Variants in B3GALT1 observed in about 807,000 individuals in gnomAD.
The protein encoded by B3GALT1 is beta-1,3-galactosyltransferase 1, also known as UDP-Gal:betaGlcNAc beta 1,3-galactosyltransferase, polypeptide 1.
B3GALT1 carries 10 observed loss-of-function variants against 23.2 expected under a neutral mutation model. That is an observed-to-expected ratio of 0.43 (90% CI 0.27 to 0.73). B3GALT1 has a LOEUF of 0.73. Among genes scored for constraint, B3GALT1 ranks in the 30% least tolerant of loss-of-function variants. The pLI is 0.21. For missense variants in B3GALT1, 299 were observed against 405.4 expected (o/e 0.74, Z 2.25); for synonymous variants, 156 against 141.5 (o/e 1.10, Z -0.73).
intron 3 of B3GALT1, among the ~76,000 whole-genome samples, chr2:167,774,246 A>G (rs1345671066): frequency 6.6e-6 from 1 of 152,166 alleles, no homozygotes; most frequent in Non-Finnish European, 1.5e-5. Context: ...AATATTTACT[A>G]TTAATGTTAA....
chr2:167,515,026 TA>T (rs1700079736), intron 2 of B3GALT1, among the ~76,000 whole-genome samples: 2 of 152,182 alleles, frequency 1.3e-5, no homozygotes, highest in African/African-American at 2.4e-5. Flanking sequence ...AAAAGTTTAG[TA>T]AAAAATTGAG....
At chr2:167,492,311 A>G (rs1021765282) in intron 2 of B3GALT1, among the ~76,000 whole-genome samples, 3 of 152,188 alleles carry the variant, frequency 2.0e-5, no homozygotes, top group Admixed American at 6.5e-5. Context: ...GTGGCTTAAT[A>G]GCTCATTTCT....
chr2:167,839,691 AT>A (rs1574294149), intron 4 of B3GALT1, among the ~76,000 whole-genome samples: 1 of 152,380 alleles, frequency 6.6e-6, no homozygotes, highest in East Asian at 1.9e-4. Flanking sequence ...TAAAGTTCAT[AT>A]GGAACCAAAA....
intron 2 of B3GALT1, among the ~76,000 whole-genome samples, chr2:167,621,011 A>G (rs1012994146): frequency 1.7e-4 from 26 of 151,198 alleles, no homozygotes; most frequent in Middle Eastern, 3.4e-3. Context: ...CATAGTAGAG[A>G]GTTTAGTATA....
At chr2:167,694,772 G>C (rs1686767896) in intron 3 of B3GALT1, among the ~76,000 whole-genome samples, 1 of 152,124 alleles carries the variant, frequency 6.6e-6, no homozygotes, top group African/African-American at 2.4e-5. Flanking sequence ...CAAGGTCAAA[G>C]ACCCTACCTC....
At chr2:167,391,216 A>G (rs1460755540) in intron 1 of B3GALT1, among the ~76,000 whole-genome samples, 3 of 152,192 alleles carry the variant, frequency 2.0e-5, no homozygotes, top group African/African-American at 7.2e-5. Flanking sequence ...ACACAGCAGT[A>G]CTAGGCAGGT....
rs552360097 is a variant in B3GALT1 at position 167,689,561 on chromosome 2, CACCTTAA to C, written c.-352+42597_-352+42603del. 3.0e-4 allele frequency among the ~76,000 whole-genome samples: 45 copies of C among 152,204 alleles called. No homozygotes were observed. The South Asian group carries it at 7.9e-3, about 27-fold the overall frequency. Reference sequence around the variant, plus strand: ...TTCAGGCAAGGGGTGAAGGACTGATCACCTTAAAAGGACTTCTGGATTCCAGAAGATA... The same window carrying C: ...TTCAGGCAAGGGGTGAAGGACTGATCAAGGACTTCTGGATTCCAGAAGATA... On this transcript the variant is annotated intron_variant, in intron 3 of 4. Transcript: ENST00000392690.
chr2:167,327,362 A>G (rs920328187), intron 1 of B3GALT1, among the ~76,000 whole-genome samples: 3 of 152,108 alleles, frequency 2.0e-5, no homozygotes, highest in East Asian at 1.9e-4. Context: ...TATTTTAACA[A>G]TGTGAATTCT....
chr2:167,405,152 A>ATAAGAAT (rs1186736231), intron 1 of B3GALT1, among the ~76,000 whole-genome samples: 2 of 152,160 alleles, frequency 1.3e-5, no homozygotes, highest in Non-Finnish European at 2.9e-5. Context: ...TTTTTACATA[A>ATAAGAAT]TAAGAATTCT....
intron 4 of B3GALT1, among the ~76,000 whole-genome samples, chr2:167,829,268 G>T (rs924724882): frequency 1.3e-5 from 2 of 152,130 alleles, no homozygotes; most frequent in Admixed American, 6.5e-5. Context: ...TGGATCATGA[G>T]GTCAGGAGTT....
At chr2:167,446,654 C>T (rs560349428) in intron 1 of B3GALT1, among the ~76,000 whole-genome samples, 5 of 152,270 alleles carry the variant, frequency 3.3e-5, no homozygotes, top group African/African-American at 9.6e-5. Flanking sequence ...TTGATCAAAT[C>T]GGCTACTGAA....
At chr2:167,633,219 T>G (rs1685482321) in intron 2 of B3GALT1, among the ~76,000 whole-genome samples, 1 of 151,778 alleles carries the variant, frequency 6.6e-6, no homozygotes, top group African/African-American at 2.4e-5. Context: ...AAGAGCAACC[T>G]CAAGACACAT....
intron 3 of B3GALT1, among the ~76,000 whole-genome samples, chr2:167,717,434 T>TC (rs1687168533): frequency 6.6e-6 from 1 of 152,094 alleles, no homozygotes; most frequent in African/African-American, 2.4e-5. Context: ...ATGCTATCCC[T>TC]CCCCCTACTA....
chr2:167,775,081 T>C (rs1387995582), intron 3 of B3GALT1, among the ~76,000 whole-genome samples: 1 of 152,182 alleles, frequency 6.6e-6, no homozygotes, highest in Admixed American at 6.5e-5. Flanking sequence ...GATCCAATAA[T>C]CTGATTTCTA....
At chr2:167,523,445 A>G (rs1683153945) in intron 2 of B3GALT1, among the ~76,000 whole-genome samples, 1 of 145,882 alleles carries the variant, frequency 6.9e-6, no homozygotes, top group Admixed American at 6.9e-5. Context: ...TTTTTTTGAG[A>G]CGGAGTTTTT....
intron 2 of B3GALT1, among the ~76,000 whole-genome samples, chr2:167,526,402 C>A (rs1001958124): frequency 2.3e-4 from 35 of 152,110 alleles, no homozygotes; most frequent in African/African-American, 8.0e-4. Context: ...TCATTCAACC[C>A]CACAACAAAC....
intron 2 of B3GALT1, among the ~76,000 whole-genome samples, chr2:167,541,654 G>C (rs945344822): frequency 2.6e-5 from 4 of 151,778 alleles, no homozygotes; most frequent in Non-Finnish European, 5.9e-5. Context: ...CACTGCAGTA[G>C]TGCCAGCTGA....
intron 1 of B3GALT1, among the ~76,000 whole-genome samples, chr2:167,391,052 A>G (rs867032634): frequency 1.3e-5 from 2 of 152,216 alleles, no homozygotes; most frequent in South Asian, 4.1e-4. Flanking sequence ...TCTGCCACCT[A>G]GAATTATTGA....
intron 1 of B3GALT1, among the ~76,000 whole-genome samples, chr2:167,386,813 A>G (rs1007623562): frequency 6.6e-6 from 1 of 152,306 alleles, no homozygotes; most frequent in South Asian, 2.1e-4. Flanking sequence ...CTTTCTTCTA[A>G]TGGTGTTTCA....
Sources: gnomAD v4.1 joint callset for allele counts (sites outside exome capture counted in the v4.1 genomes callset) on GRCh38, gnomAD v4.1.1 for gene constraint, MANE v1.5 for transcripts, NCBI Gene and HGNC (gene_info 2026-07-23, HGNC 2026-07-21) for gene names.